The following KIF16B variants were observed in gnomAD, a reference collection of about 807,000 sequenced individuals.
The protein encoded by KIF16B is kinesin-like protein KIF16B.
In KIF16B, 98 loss-of-function variants were observed where a neutral mutation model predicts 156.3. The observed-to-expected ratio is 0.63, with a 90% CI of 0.53 to 0.74. The LOEUF is 0.74. KIF16B is among the 30% of genes least tolerant of loss of function. The pLI is 0.00. For missense variants in KIF16B, 1,421 were observed against 1,606.5 expected (o/e 0.88, Z 1.97); for synonymous variants, 564 against 583.7 (o/e 0.97, Z 0.49).
At chr20:16,347,910 C>T (rs1269559632) in intron 23 of KIF16B, among the ~76,000 whole-genome samples, 1 of 152,170 alleles carries the variant, frequency 6.6e-6, no homozygotes, top group Non-Finnish European at 1.5e-5. Flanking sequence ...TGTATCTGTA[C>T]AGAGTTTATC....
intron 15 of KIF16B, among the ~76,000 whole-genome samples, chr20:16,417,324 C>T (rs1389308125): frequency 6.6e-6 from 1 of 152,124 alleles, no homozygotes; most frequent in African/African-American, 2.4e-5. Context: ...GTAGTACACC[C>T]ACTGCTACTG....
At chr20:16,515,981 T>C (rs995629781) in intron 3 of KIF16B, among the ~76,000 whole-genome samples, 13 of 152,244 alleles carry the variant, frequency 8.5e-5, no homozygotes, top group Non-Finnish European at 4.4e-5. Context: ...TAAAGCATGA[T>C]GATTAGCCAT....
At chr20:16,425,718 G>A (rs950167111) in intron 15 of KIF16B, among the ~76,000 whole-genome samples, 5 of 152,226 alleles carry the variant, frequency 3.3e-5, no homozygotes, top group Middle Eastern at 3.4e-3. Context: ...AATGGAAATC[G>A]TGTAATGAGA....
At chr20:16,289,261 C>T (rs1310064300) in intron 25 of KIF16B, among the ~76,000 whole-genome samples, 1 of 152,066 alleles carries the variant, frequency 6.6e-6, no homozygotes, top group Non-Finnish European at 1.5e-5. Context: ...TTTACACCAT[C>T]GTAAAGTTGA....
intron 12 of KIF16B, among the ~76,000 whole-genome samples, chr20:16,438,635 T>C (rs563371016): frequency 1.3e-5 from 2 of 152,266 alleles, no homozygotes; most frequent in Non-Finnish European, 2.9e-5. Context: ...TCACCAAGAT[T>C]ACTAGGAAGT....
chr20:16,561,420 T>A (rs879173267), intron 1 of KIF16B, among the ~76,000 whole-genome samples: 2 of 152,088 alleles, frequency 1.3e-5, no homozygotes, highest in Non-Finnish European at 2.9e-5. Context: ...TAAGCGCCCT[T>A]CATTTCAAAT....
chr20:16,287,487 T>C (rs1432368567), intron 25 of KIF16B, among the ~76,000 whole-genome samples: 1 of 152,240 alleles, frequency 6.6e-6, no homozygotes, highest in Non-Finnish European at 1.5e-5. Context: ...ATTACGGCTA[T>C]TCAGAGAATC....
At chr20:16,364,474 C>CA (rs1460281858) in intron 22 of KIF16B, among the ~76,000 whole-genome samples, 3 of 152,160 alleles carry the variant, frequency 2.0e-5, no homozygotes, top group African/African-American at 7.2e-5. Context: ...GCTGAATACT[C>CA]AGACTCTCAT....
chr20:16,331,577 C>T (rs1007008158), intron 24 of KIF16B, among the ~76,000 whole-genome samples: 2 of 152,130 alleles, frequency 1.3e-5, no homozygotes, highest in Admixed American at 6.5e-5. Flanking sequence ...TAAAAATATA[C>T]TATCATCAAA....
chr20:16,439,248 G>T (rs1396207899), intron 12 of KIF16B, among the ~76,000 whole-genome samples: 1 of 152,136 alleles, frequency 6.6e-6, no homozygotes, highest in Non-Finnish European at 1.5e-5. Context: ...TTCACAGCCT[G>T]CCTGAATCTC....
At chr20:16,525,765 C>T (rs902352289) in intron 3 of KIF16B, among the ~76,000 whole-genome samples, 8 of 152,162 alleles carry the variant, frequency 5.3e-5, no homozygotes, top group East Asian at 3.8e-4. Context: ...TACTGTGCTT[C>T]GCAGCATACA....
At chr20:16,566,888 T>C (rs1238831495) in intron 1 of KIF16B, among the ~76,000 whole-genome samples, 3 of 152,264 alleles carry the variant, frequency 2.0e-5, no homozygotes, top group African/African-American at 7.2e-5. Context: ...CCGACAGTTA[T>C]ACTGGCCAGC....
chr20:16,433,788 A>G (rs2066570433), intron 12 of KIF16B, among the ~76,000 whole-genome samples: 1 of 152,222 alleles, frequency 6.6e-6, no homozygotes, highest in Admixed American at 6.5e-5. Flanking sequence ...GTGTCACCTC[A>G]TAAAACTGGA....
Position 16,375,058 on chromosome 20 carries a change from CTAAAATAAACCA to C in KIF16B, c.3198-661_3198-650del, listed in dbSNP as rs549937150. Reference sequence around the variant, plus strand: ...AAAGTAGGTTGAGTTCCATGAGAAACTAAAATAAACCATAAAATTAACCTCCAGTGATAAGTG... The same window carrying C: ...AAAGTAGGTTGAGTTCCATGAGAAACTAAAATTAACCTCCAGTGATAAGTG... On this transcript the variant is annotated intron_variant, in intron 19 of 25. Coordinates refer to ENST00000354981, the MANE Select transcript of KIF16B (RefSeq NM_024704.5). Among the ~76,000 whole-genome samples, 12 of 152,206 alleles carry C rather than the reference CTAAAATAAACCA, an allele frequency of 7.9e-5. No homozygotes were observed. In the East Asian group the frequency reaches 2.3e-3, roughly 29 times the overall value.
intron 3 of KIF16B, among the ~76,000 whole-genome samples, chr20:16,525,703 G>A (rs1326601822): frequency 1.3e-5 from 2 of 152,220 alleles, no homozygotes; most frequent in Non-Finnish European, 2.9e-5. Context: ...TGGGTTTGAA[G>A]TTTCCTCCTA....
chr20:16,462,241 CA>C (rs71192335), intron 12 of KIF16B, among the ~76,000 whole-genome samples: 6 of 147,942 alleles, frequency 4.1e-5, no homozygotes, highest in Admixed American at 6.7e-5. Context: ...AACTCCATCT[CA>C]AAAAAAAAAA....
At chr20:16,419,914 C>G (rs1203835247) in intron 15 of KIF16B, among the ~76,000 whole-genome samples, 2 of 152,064 alleles carry the variant, frequency 1.3e-5, no homozygotes, top group Non-Finnish European at 1.5e-5. Context: ...AAGAGGAGCT[C>G]AAGTTTTATG....
chr20:16,548,270 G>A lies in KIF16B; in HGVS notation c.48-19830C>T, dbSNP rs138917771. On this transcript the variant is annotated intron_variant, in intron 1 of 25. Coordinates refer to ENST00000354981, the MANE Select transcript of KIF16B (RefSeq NM_024704.5). ...CACGTCAGAGGGAGCTACAAGGTTC[G>A]GAGGATGGATTCAGAGTGCACATAG... Among the ~76,000 whole-genome samples, 12 of 152,248 alleles carry A rather than the reference G, an allele frequency of 7.9e-5. No homozygotes were observed. The East Asian group carries it at 1.2e-3, about 15-fold the overall frequency.
intron 17 of KIF16B, 117 bp from the exon 18 acceptor site, chr20:16,381,864 T>A: frequency 1.2e-6 from 1 of 866,752 alleles, no homozygotes; most frequent in Non-Finnish European, 1.8e-6. Context: ...GTATTACTTT[T>A]AATTACCACG....
Sources: gnomAD v4.1 joint callset for allele counts (sites outside exome capture counted in the v4.1 genomes callset) on GRCh38, gnomAD v4.1.1 for gene constraint, MANE v1.5 for transcripts, NCBI Gene and HGNC (gene_info 2026-07-23, HGNC 2026-07-21) for gene names.